Variants in CCL26 observed in about 807,000 individuals in gnomAD.
CCL26 encodes the protein C-C motif chemokine 26.
CCL26 carries 10 observed loss-of-function variants against 10.7 expected under a neutral mutation model. That is an observed-to-expected ratio of 0.93 (90% CI 0.57 to 1.58). The LOEUF is 1.58. CCL26 is among the 40% of genes most tolerant of loss of function. The pLI, the probability that CCL26 is intolerant of heterozygous loss-of-function variation, is 0.00. For missense variants in CCL26, 116 were observed against 111.0 expected (o/e 1.05, Z -0.20); for synonymous variants, 43 against 41.4 (o/e 1.04, Z -0.15).
upstream of CCL26, among the ~76,000 whole-genome samples, chr7:75,776,597 C>CAAGA (rs1272632259): frequency 4.1e-5 from 6 of 145,984 alleles, no homozygotes; most frequent in African/African-American, 2.5e-5. Context: ...GGAAAGCAAG[C>CAAGA]AAGAAAGAAA....
In CCL26 at chr7:75,784,406, A is replaced by C. The variant is rs548270212; in HGVS notation, c.-79+5311T>G. ...CTCGGCTTAACGGCTGAAGACTGAC[A>C]CTGCCTGAACACCTCGGAAGCCTCC... On this transcript the variant is annotated intron_variant, in intron 1 of 3. Coordinates refer to the CCL26 transcript ENST00000394905. Among the ~76,000 whole-genome samples, 3 of 152,302 alleles carry C rather than the reference A, an allele frequency of 2.0e-5. No individual in the cohort carries two copies. In the East Asian group the frequency reaches 5.8e-4, roughly 29 times the overall value.
chr7:75,776,959 G>A (rs898440251), upstream of CCL26, among the ~76,000 whole-genome samples: 3 of 152,064 alleles, frequency 2.0e-5, no homozygotes, highest in Admixed American at 1.3e-4. Context: ...GGCCAGGCGC[G>A]GTGGCTCACA....
chr7:75,786,025 A>T (rs1364706213), intron 1 of CCL26, among the ~76,000 whole-genome samples: 1 of 152,154 alleles, frequency 6.6e-6, no homozygotes, highest in Non-Finnish European at 1.5e-5. Context: ...TACAGTTCTC[A>T]TAACTTCCAA....
intron 1 of CCL26, among the ~76,000 whole-genome samples, chr7:75,787,942 A>T (rs1554530213): frequency 1.3e-5 from 2 of 151,946 alleles, no homozygotes; most frequent in African/African-American, 4.8e-5. Context: ...TATATGACAA[A>T]TGCTCTTTTT....
chr7:75,780,115 G>T (rs1803029130), intron 1 of CCL26, among the ~76,000 whole-genome samples: 1 of 140,230 alleles, frequency 7.1e-6, no homozygotes, highest in African/African-American at 2.8e-5. Context: ...CCACTTTCCT[G>T]GGGGGCAAGC....
At position 75,769,682 on chromosome 7, in the gene CCL26, A is replaced by G; in HGVS notation, c.*11T>C. ...GGGGTCCAAGCGTCCTCGGATGAAA[A>G]TTCAGCTGAGTCACAATTGTTTCGG... is the stretch of plus-strand genomic sequence containing the variant. On this transcript the variant is annotated 3_prime_UTR_variant, in exon 3 of 3. Coordinates refer to ENST00000005180, the MANE Select transcript of CCL26 (RefSeq NM_001371938.1). The G allele has an allele frequency of 6.3e-7, 1 of 1,588,640 alleles. No individual in the cohort carries two copies. Among genetic ancestry groups the G allele is most frequent in the Non-Finnish European group, 8.6e-7 (1 of 1,156,834 alleles).
At chr7:75,778,849 G>A (rs7798330) in intron 1 of CCL26, among the ~76,000 whole-genome samples, 14 of 78,320 alleles carry the variant, frequency 1.8e-4, no homozygotes, top group African/African-American at 2.6e-4. Flanking sequence ...AGGCCAAGGT[G>A]GGGGGGGCAG....
rs182441211 is a variant in CCL26 at position 75,784,464 on chromosome 7, C to T, written c.-79+5253G>A. Among the ~76,000 whole-genome samples, 12 of 152,218 alleles carry T rather than the reference C, an allele frequency of 7.9e-5. 1 individual carries two copies. Among genetic ancestry groups the T allele is most frequent in the Non-Finnish European group, 1.8e-4 (12 of 68,034 alleles). On this transcript the variant is annotated intron_variant, in intron 1 of 3. Coordinates refer to the CCL26 transcript ENST00000394905. ...TCACAGATGCTTTGGGTAACTCTTA[C>T]AGTGGAGAGTAAGTCGTCCCCTTCT...
intron 1 of CCL26, among the ~76,000 whole-genome samples, chr7:75,779,593 G>A (rs1554529177): frequency 6.6e-6 from 1 of 152,214 alleles, no homozygotes; most frequent in African/African-American, 2.4e-5. Flanking sequence ...TAGAGACAAA[G>A]GAGATGCGTT....
At chr7:75,778,851 G>GGGC (rs1563337665) in intron 1 of CCL26, among the ~76,000 whole-genome samples, 1 of 152,038 alleles carries the variant, frequency 6.6e-6, no homozygotes, top group African/African-American at 2.4e-5. Context: ...GCCAAGGTGG[G>GGGC]GGGGGCAGAT....
At chr7:75,776,563 AG>A (rs1802946175), upstream of CCL26, among the ~76,000 whole-genome samples, 4 of 146,996 alleles carry the variant, frequency 2.7e-5, no homozygotes, top group South Asian at 2.2e-4. Context: ...GAAGGAAGGA[AG>A]GAAGGAAGGA....
chr7:75,789,503 A>G (rs1803276621), intron 1 of CCL26, among the ~76,000 whole-genome samples: 3 of 149,232 alleles, frequency 2.0e-5, no homozygotes, highest in Admixed American at 2.0e-4. Flanking sequence ...ATTTCAAGAG[A>G]AAGTGCTGGC....
upstream of CCL26, among the ~76,000 whole-genome samples, chr7:75,790,099 C>T (rs2115708164): frequency 6.8e-6 from 1 of 147,448 alleles, no homozygotes. Flanking sequence ...CCAGCTCTCT[C>T]CCTCCTTTTC....
chr7:75,786,795 A>G (rs782723459), intron 1 of CCL26, among the ~76,000 whole-genome samples: 3 of 152,212 alleles, frequency 2.0e-5, no homozygotes, highest in Non-Finnish European at 2.9e-5. Context: ...TTCTTAAACC[A>G]AGGAAAATAT....
At chr7:75,780,536 A>T (rs10252531) in intron 1 of CCL26, among the ~76,000 whole-genome samples, 43,224 of 151,946 alleles carry the variant, frequency 0.28, 6,687 homozygotes, top group African/African-American at 0.39. Flanking sequence ...TAGCCAGAAA[A>T]ATGGCACTTT....
chr7:75,769,873 C>T, intron 2 of CCL26, 84 bp from the exon 3 acceptor site: 1 of 821,064 alleles, frequency 1.2e-6, no homozygotes, highest in South Asian at 1.4e-5. Flanking sequence ...GGGCAGCTCT[C>T]TCACTAGTCT....
At chr7:75,783,707 A>T (rs1554529677) in intron 1 of CCL26, among the ~76,000 whole-genome samples, 1 of 151,794 alleles carries the variant, frequency 6.6e-6, no homozygotes, top group Non-Finnish European at 1.5e-5. Flanking sequence ...GAATGGCGTG[A>T]ACCCGGTAGG....
In CCL26 at chr7:75,787,651, C is replaced by CAAAAAAAAAAAAAAAA. The variant is rs55770109; in HGVS notation, c.-79+2050_-79+2065dup. On this transcript the variant is annotated intron_variant, in intron 1 of 3. Coordinates refer to the CCL26 transcript ENST00000394905. The stretch of plus-strand genomic sequence containing the variant: ...CAGAGTGAGACTCCGTCTCCAAAAG[C>CAAAAAAAAAAAAAAAA]AAAAAAAAAAAAAAAAAAAAAAAGA... Among the ~76,000 whole-genome samples the CAAAAAAAAAAAAAAAA allele has an allele frequency of 7.2e-4, 20 of 27,748 alleles. 3 individuals carry two copies. The highest frequency in any genetic ancestry group is 2.6e-3 in the Admixed American group (4 of 1,512). The allele number at this position is 27,748 out of a possible 152,430, so 18.2% of individuals were successfully genotyped here.
intron 1 of CCL26, among the ~76,000 whole-genome samples, chr7:75,780,317 C>T (rs1355903194): frequency 1.3e-5 from 2 of 152,102 alleles, no homozygotes; most frequent in Non-Finnish European, 2.9e-5. Flanking sequence ...ACTAACTTTT[C>T]TCTCTGTGTC....
Sources: gnomAD v4.1 joint callset for allele counts (sites outside exome capture counted in the v4.1 genomes callset) on GRCh38, gnomAD v4.1.1 for gene constraint, MANE v1.5 for transcripts, NCBI Gene and HGNC (gene_info 2026-07-23, HGNC 2026-07-21) for gene names.